Variants in DROSHA observed in about 807,000 individuals in gnomAD.
The protein encoded by DROSHA is drosha ribonuclease III, also known as ribonuclease 3.
In DROSHA, 56 loss-of-function variants were observed where a neutral mutation model predicts 181.9. That is an observed-to-expected ratio of 0.31 (90% confidence interval 0.25 to 0.38). DROSHA has a LOEUF of 0.38. Among genes scored for constraint, DROSHA ranks in the 10% least tolerant of loss-of-function variants. DROSHA has a pLI of 1.00. For missense variants in DROSHA, 1,218 were observed against 1,743.5 expected (o/e 0.70, Z 5.37); for synonymous variants, 524 against 591.2 (o/e 0.89, Z 1.65).
At chr5:31,439,655 GA>G (rs1245487763) in intron 23 of DROSHA, among the ~76,000 whole-genome samples, 1 of 151,980 alleles carries the variant, frequency 6.6e-6, no homozygotes, top group Non-Finnish European at 1.5e-5. Flanking sequence ...GTATGTGTAG[GA>G]AAAAACATAG....
chr5:31,457,404 C>T (rs970018495), intron 20 of DROSHA, among the ~76,000 whole-genome samples: 2 of 151,920 alleles, frequency 1.3e-5, no homozygotes, highest in East Asian at 1.9e-4. Flanking sequence ...GGATTACAGG[C>T]GTGAGCCACT....
chr5:31,436,129 G>C (rs377332128), intron 24 of DROSHA, among the ~76,000 whole-genome samples: 1 of 152,188 alleles, frequency 6.6e-6, no homozygotes, highest in Non-Finnish European at 1.5e-5. Context: ...ACAACAAAGA[G>C]CAGAATAATC....
intron 30 of DROSHA, among the ~76,000 whole-genome samples, chr5:31,417,115 G>A (rs2149992470): frequency 6.6e-6 from 1 of 152,310 alleles, no homozygotes; most frequent in Non-Finnish European, 1.5e-5. Flanking sequence ...TTTATTCAGG[G>A]TAGGTTAAGG....
At chr5:31,464,365 T>G in intron 19 of DROSHA, 22 bp from the exon 20 acceptor site, 1 of 1,605,564 alleles carries the variant, frequency 6.2e-7, no homozygotes, top group Non-Finnish European at 8.5e-7. Context: ...TTCATTATGA[T>G]GAGTAACACA....
chr5:31,524,285 C>T (rs1289939709), intron 5 of DROSHA, among the ~76,000 whole-genome samples: 1 of 152,128 alleles, frequency 6.6e-6, no homozygotes, highest in African/African-American at 2.4e-5. Flanking sequence ...GCAAAATGTT[C>T]AGTCAGAACC....
Position 31,401,456 on chromosome 5 carries a change from A to T in DROSHA, c.4101T>A (p.Asp1367Glu), listed in dbSNP as rs1739985546. 6.2e-7 allele frequency: 1 copy of T among 1,613,102 alleles called. No homozygotes were observed. The highest frequency in any genetic ancestry group is 1.3e-5 in the African/African-American group (1 of 74,886). Reference protein sequence around the residue: ...WEREHQEREPDETEDIKK With the variant: ...WEREHQEREPEETEDIKK The stretch of plus-strand genomic sequence containing the variant: ...TTTATTTCTTGATGTCTTCAGTCTC[A>T]TCTGGCTCTCTCTCTTGATGCTCTC... Residue 1367 changes from aspartate to glutamate, a missense_variant, in exon 36 of 36, where the codon GAT becomes GAA. Physicochemically the swap from Asp to Glu is conservative, Grantham distance 45 (BLOSUM62 2). This residue lies in a region of DROSHA where 32 missense variants were observed against 29.2 expected (regional missense o/e 1.09). Coordinates refer to ENST00000344624, the MANE Select transcript of DROSHA (RefSeq NM_001382508.1).
chr5:31,466,592 C>T (rs547604497), intron 18 of DROSHA: 1 of 227,800 alleles, frequency 4.4e-6, no homozygotes, highest in South Asian at 7.2e-5. Flanking sequence ...AGGAATCATC[C>T]TGTTTCTCAC....
chr5:31,409,132 C>A lies in DROSHA; in HGVS notation c.3778G>T (p.Asp1260Tyr). Residue 1260 changes from aspartate (D) to tyrosine (Y), a missense_variant, in exon 33 of 36, where the codon GAC (aspartate) becomes TAC (tyrosine). Asp to Tyr is a radical substitution (Grantham distance 160, BLOSUM62 -3). Transcript: ENST00000344624. This position sits in a 1 kb window ranked among gnomAD's most constrained non-coding sequence, Gnocchi z 4.0. ...CACTGCTGAAGCTGGGATTTGGGGT[C>A]ATTCCAATCCTGATTCAAAATGAAC... ...KEFILNQDWN[D>Y]PKSQLQQCCL... is the part of the protein sequence containing the mutation. 2 of 1,613,860 alleles carry A rather than the reference C, an allele frequency of 1.2e-6. No homozygotes were observed. Among genetic ancestry groups the A allele is most frequent in the South Asian group, 2.2e-5 (2 of 91,044 alleles).
At chr5:31,423,747 C>T (rs1046483748) in intron 28 of DROSHA, among the ~76,000 whole-genome samples, 4 of 150,424 alleles carry the variant, frequency 2.7e-5, no homozygotes, top group Admixed American at 2.0e-4. Flanking sequence ...ATTTTATATA[C>T]ATATATAAAA....
chr5:31,511,277 A>G (rs1221293395), intron 8 of DROSHA, 101 bp from the exon 9 acceptor site: 1 of 1,168,520 alleles, frequency 8.6e-7, no homozygotes, highest in Non-Finnish European at 1.2e-6. Flanking sequence ...TAACAGCAAG[A>G]TGCTATTTTT....
intron 28 of DROSHA, among the ~76,000 whole-genome samples, 166 bp downstream of exon 28, chr5:31,424,261 T>C (rs886834985): frequency 1.3e-5 from 2 of 152,198 alleles, no homozygotes; most frequent in African/African-American, 2.4e-5. Flanking sequence ...CATGGGTTCA[T>C]TCTCCTATTG....
At chr5:31,413,355 AT>A (rs1311471494) in intron 30 of DROSHA, among the ~76,000 whole-genome samples, 1 of 152,344 alleles carries the variant, frequency 6.6e-6, no homozygotes, top group African/African-American at 2.4e-5. Flanking sequence ...GTCAGTTTAA[AT>A]TTAGAAAATG....
intron 23 of DROSHA, among the ~76,000 whole-genome samples, chr5:31,447,949 T>C (rs1401650690): frequency 6.6e-6 from 1 of 152,210 alleles, no homozygotes; most frequent in African/African-American, 2.4e-5. Flanking sequence ...AGTCTGGCAG[T>C]TCCTTAAAAG....
chr5:31,424,469 G>A lies in DROSHA; in HGVS notation c.3219C>T (p.Asp1073=). Residue 1073 remains aspartate, a splice_region_variant and synonymous_variant, in exon 28 of 36, where the codon GAC becomes GAT. Transcript: ENST00000344624. The part of the protein sequence containing the change: ...LFGRLLFNDP[D]LREVWLNYPL... ...GATAATTGAGCCAGACTTCGCGCAG[G>A]TCCTGGAAAATGGAGTGATGCCTTT... The A allele has an allele frequency of 6.3e-7, 1 of 1,592,854 alleles. No homozygotes were observed.
At chr5:31,447,133 G>A (rs1746406478) in intron 23 of DROSHA, among the ~76,000 whole-genome samples, 1 of 152,172 alleles carries the variant, frequency 6.6e-6, no homozygotes, top group Non-Finnish European at 1.5e-5. Flanking sequence ...GGATAGAGCT[G>A]GAGGCCATTA....
intron 23 of DROSHA, among the ~76,000 whole-genome samples, chr5:31,442,169 A>G (rs1745675029): frequency 6.6e-6 from 1 of 152,268 alleles, no homozygotes; most frequent in African/African-American, 2.4e-5. Context: ...GGTTCTAAAC[A>G]GATTTATTCA....
At chr5:31,454,054 A>C (rs1747350567) in intron 20 of DROSHA, among the ~76,000 whole-genome samples, 1 of 152,182 alleles carries the variant, frequency 6.6e-6, no homozygotes, top group Admixed American at 6.5e-5. Context: ...GTCCCTAAAT[A>C]AGAGTGTATG....
At chr5:31,451,758 A>C in intron 20 of DROSHA, 118 bp from the exon 21 acceptor site, 1 of 757,608 alleles carries the variant, frequency 1.3e-6, no homozygotes, top group Non-Finnish European at 2.2e-6. Context: ...CTAAGTCCTG[A>C]AACAGCTTAT....
chr5:31,435,071 A>C (rs1006396386), intron 25 of DROSHA, among the ~76,000 whole-genome samples: 1 of 152,200 alleles, frequency 6.6e-6, no homozygotes, highest in African/African-American at 2.4e-5. Flanking sequence ...GGCTTGGAGA[A>C]GAGAACAACA....
Sources: allele counts gnomAD v4.1 joint callset (sites outside exome capture counted in the v4.1 genomes callset), GRCh38; gene constraint gnomAD v4.1.1; regional missense constraint gnomAD v4.1.1; non-coding constraint Gnocchi (gnomAD v3.1); transcripts MANE v1.5; gene names NCBI Gene and HGNC (gene_info 2026-07-23, HGNC 2026-07-21).